The following RNLS variants were observed in gnomAD, a reference collection of about 807,000 sequenced individuals.
The protein encoded by RNLS is renalase, FAD dependent amine oxidase, also known as renalase.
A neutral mutation model predicts 39.8 loss-of-function variants in RNLS; 39 were observed. The observed-to-expected ratio is 0.98, with a 90% CI of 0.76 to 1.28. RNLS has a LOEUF of 1.28. RNLS is among the 50% of genes most tolerant of loss of function. The probability of loss-of-function intolerance (pLI) is 0.00; values close to 1 mark genes in which losing one functional copy is unlikely to be tolerated. For synonymous variants in RNLS, 147 were observed against 150.7 expected, an observed-to-expected ratio of 0.98 and a Z score of 0.18; for missense variants, 410 against 413.3, an observed-to-expected ratio of 0.99 and a Z score of 0.07.
At chr10:88,175,250 G>C in the RNLS span, among the ~76,000 whole-genome samples, 1 of 151,908 alleles carries the variant, frequency 6.6e-6, no homozygotes, top group African/African-American at 2.4e-5. Flanking sequence ...ATTTCATTTA[G>C]TTCTGGTCTG....
chr10:88,381,039 A>G lies in RNLS; in HGVS notation c.527-18314T>C, dbSNP rs143959518. ...AAAGTGCCATTTTATTTTAATTTAT[A>G]TAGCTTTTTGATATGTTCTGATATC... On this transcript the variant is annotated intron_variant, in intron 4 of 6. Transcript: ENST00000331772. 6.5e-4 allele frequency among the ~76,000 whole-genome samples: 99 copies of G among 152,320 alleles called. No individual in the cohort carries two copies. The East Asian group carries it at 0.016, about 25-fold the overall frequency.
chr10:88,380,198 T>C (rs1258853696), intron 4 of RNLS, among the ~76,000 whole-genome samples: 2 of 152,172 alleles, frequency 1.3e-5, no homozygotes, highest in Admixed American at 1.3e-4. Flanking sequence ...ATTTTGCCTG[T>C]TTGACTCTTG....
chr10:88,174,363 T>C, the RNLS span, among the ~76,000 whole-genome samples: 2 of 152,120 alleles, frequency 1.3e-5, no homozygotes, highest in Non-Finnish European at 2.9e-5. Context: ...AAGCTTTCAA[T>C]GTTTCCCCAT....
chr10:88,439,096 G>A (rs1212878553), intron 4 of RNLS, among the ~76,000 whole-genome samples: 7 of 152,108 alleles, frequency 4.6e-5, no homozygotes, highest in South Asian at 4.2e-4. Context: ...ATTACATCTC[G>A]TTTTGTTTAT....
chr10:88,529,890 C>T (rs1847316558), intron 4 of RNLS, among the ~76,000 whole-genome samples: 1 of 152,164 alleles, frequency 6.6e-6, no homozygotes, highest in African/African-American at 2.4e-5. Context: ...CTCCCTCTCC[C>T]ACTATCCTGA....
At chr10:88,541,988 G>C (rs1426676774) in intron 4 of RNLS, among the ~76,000 whole-genome samples, 3 of 152,222 alleles carry the variant, frequency 2.0e-5, no homozygotes, top group Admixed American at 2.0e-4. Flanking sequence ...GGTATTTCTG[G>C]GGGAGAAGGA....
At chr10:88,278,730 A>C (rs1025687794) in intron 6 of RNLS, among the ~76,000 whole-genome samples, 2 of 152,178 alleles carry the variant, frequency 1.3e-5, no homozygotes, top group Non-Finnish European at 2.9e-5. Flanking sequence ...ATGTAGTATA[A>C]AGTAAAGACT....
At chr10:88,363,733 G>A (rs1331842303) in intron 4 of RNLS, among the ~76,000 whole-genome samples, 1 of 152,114 alleles carries the variant, frequency 6.6e-6, no homozygotes, top group Non-Finnish European at 1.5e-5. Context: ...AATAGGAAAA[G>A]CCTGGAAAAG....
At chr10:88,393,611 T>C (rs1251288544) in intron 4 of RNLS, among the ~76,000 whole-genome samples, 1 of 152,170 alleles carries the variant, frequency 6.6e-6, no homozygotes. Flanking sequence ...AAAATGGCCA[T>C]ACTGCCCAAG....
the RNLS span, among the ~76,000 whole-genome samples, chr10:88,223,263 T>C: frequency 1.5e-4 from 23 of 152,242 alleles, no homozygotes; most frequent in African/African-American, 4.6e-4. Context: ...TATTAGTTCA[T>C]TGATATAAAC....
chr10:88,261,756 A>G, the RNLS span, among the ~76,000 whole-genome samples: 1 of 152,234 alleles, frequency 6.6e-6, no homozygotes, highest in Non-Finnish European at 1.5e-5. Context: ...TTAGATAATT[A>G]AAAAGAATGA....
chr10:88,540,990 C>CAAAA (rs34561003), intron 4 of RNLS, among the ~76,000 whole-genome samples: 8 of 131,964 alleles, frequency 6.1e-5, no homozygotes, highest in South Asian at 2.3e-4. Context: ...TCCTTACTGC[C>CAAAA]AAAAAAAAAA....
At chr10:88,562,726 C>T (rs545089325) in intron 4 of RNLS, among the ~76,000 whole-genome samples, 1 of 152,172 alleles carries the variant, frequency 6.6e-6, no homozygotes, top group African/African-American at 2.4e-5. Context: ...CAACATAGTA[C>T]TTACCCCAAT....
chr10:88,560,613 A>T (rs555251740), intron 4 of RNLS, among the ~76,000 whole-genome samples: 2 of 152,236 alleles, frequency 1.3e-5, no homozygotes, highest in South Asian at 2.1e-4. Context: ...ATTCAGAAGC[A>T]AACTCTGGGA....
chr10:88,517,918 T>C (rs994499697), intron 4 of RNLS, among the ~76,000 whole-genome samples: 1 of 151,924 alleles, frequency 6.6e-6, no homozygotes, highest in African/African-American at 2.4e-5. Context: ...TGGCTAATGG[T>C]ATTAAAACAT....
chr10:88,419,209 T>C (rs1255970831), intron 4 of RNLS, among the ~76,000 whole-genome samples: 1 of 152,204 alleles, frequency 6.6e-6, no homozygotes, highest in East Asian at 1.9e-4. Context: ...GTGCAAATGG[T>C]GTCCTTGCTG....
intron 4 of RNLS, among the ~76,000 whole-genome samples, chr10:88,381,895 A>C (rs1851526419): frequency 6.0e-5 from 2 of 33,076 alleles, no homozygotes; most frequent in Non-Finnish European, 1.5e-4. Context: ...TGAAAAATAC[A>C]AAAATAACAA....
At chr10:88,376,954 CAA>C (rs927895056) in intron 4 of RNLS, among the ~76,000 whole-genome samples, 1 of 151,446 alleles carries the variant, frequency 6.6e-6, no homozygotes, top group Non-Finnish European at 1.5e-5. Context: ...ACTTAAGATA[CAA>C]AAAAAGAGTA....
At chr10:88,197,609 A>G in the RNLS span, among the ~76,000 whole-genome samples, 1 of 152,228 alleles carries the variant, frequency 6.6e-6, no homozygotes, top group Non-Finnish European at 1.5e-5. Context: ...AAGAAACCCA[A>G]TGACATGGAT....
Sources: gnomAD v4.1 joint callset for allele counts (sites outside exome capture counted in the v4.1 genomes callset) on GRCh38, gnomAD v4.1.1 for gene constraint, MANE v1.5 for transcripts, NCBI Gene and HGNC (gene_info 2026-07-23, HGNC 2026-07-21) for gene names.